The following CCDC197 variants were observed in gnomAD, a reference collection of about 807,000 sequenced individuals.
CCDC197 encodes the protein uncharacterized protein CCDC197.
In CCDC197, 24 loss-of-function variants were observed where a neutral mutation model predicts 13.4. The ratio of observed to expected loss-of-function variants is 1.80; its 90% CI spans 1.30 to 2.53. The LOEUF is 2.53. Among genes scored for constraint, CCDC197 ranks in the 30% most tolerant of loss-of-function variants. The probability of loss-of-function intolerance (pLI) is 0.00; values close to 1 mark genes in which losing one functional copy is unlikely to be tolerated. For synonymous variants in CCDC197, 99 were observed against 55.5 expected (o/e 1.78, Z -3.48); for missense variants, 255 against 148.8 (o/e 1.71, Z -3.71).
Position 94,003,286 on chromosome 14 carries a change from C to A in CCDC197, c.430C>A (p.Gln144Lys). The A allele has an allele frequency of 1.3e-6, 1 of 780,430 alleles. No individual in the cohort carries two copies. The highest frequency in any genetic ancestry group is 1.3e-5 in the South Asian group (1 of 74,602). 48.3% of individuals were successfully genotyped at this position (780,430 alleles called of 1,614,324 possible). Residue 144 changes from glutamine (Q) to lysine (K), a missense_variant, in exon 5 of 7, where the codon CAG becomes AAG. By Grantham distance (53) the Gln-to-Lys change is moderately conservative. Coordinates refer to ENST00000636493, the MANE Select transcript of CCDC197 (RefSeq NM_001351596.2). This position sits in a 1 kb window ranked among gnomAD's most constrained non-coding sequence, Gnocchi z 5.0. ...CTACCGCAAGCAGGAGCAGTGGTGG[C>A]AGCTGAAGCACAGCATCACTTACCA... is the stretch of plus-strand genomic sequence containing the variant. ...KCYRKQEQWW[Q>K]LKHSITYQKD... is the part of the protein sequence containing the mutation.
intron 1 of CCDC197, among the ~76,000 whole-genome samples, chr14:93,990,307 G>C (rs919667399): frequency 2.0e-5 from 3 of 152,208 alleles, no homozygotes; most frequent in African/African-American, 7.2e-5. Context: ...TCTCGAGTCT[G>C]TTTCCTTCTC....
At chr14:93,989,950 T>TCTTA (rs1890178029) in intron 1 of CCDC197, among the ~76,000 whole-genome samples, 1 of 152,204 alleles carries the variant, frequency 6.6e-6, no homozygotes, top group Non-Finnish European at 1.5e-5. Flanking sequence ...TCGGGCCTGT[T>TCTTA]CTTAGCTCCT....
At chr14:93,990,443 G>A (rs564185287) in intron 1 of CCDC197, among the ~76,000 whole-genome samples, 13 of 152,306 alleles carry the variant, frequency 8.5e-5, no homozygotes, top group African/African-American at 3.1e-4. Context: ...ATAAGAAAGA[G>A]GGCTGGTCCA....
intron 3 of CCDC197, among the ~76,000 whole-genome samples, chr14:94,000,352 ACTGGGCTCAGACT>A (rs1439218121): frequency 2.6e-5 from 4 of 152,168 alleles, no homozygotes; most frequent in African/African-American, 4.8e-5. Flanking sequence ...AAGTGGTGGC[ACTGGGCTCAGACT>A]CTGGTCCGTC....
chr14:94,005,006 T>G, intron 6 of CCDC197, 35 bp downstream of exon 6: 1 of 695,712 alleles, frequency 1.4e-6, no homozygotes, highest in Non-Finnish European at 2.6e-6. Flanking sequence ...GGCTCCTGAC[T>G]GCCCCAGGCA....
Position 94,001,298 on chromosome 14 carries a change from A to G in CCDC197, c.341A>G (p.Glu114Gly), listed in dbSNP as rs774185429. 16 of 779,352 alleles carry G rather than the reference A, an allele frequency of 2.1e-5. 1 individual carries two copies. The South Asian group carries it at 2.2e-4, about 10-fold the overall frequency. The allele number at this position is 779,352 out of a possible 1,614,324, so 48.3% of individuals were successfully genotyped here. ...GTCCACCGGAGCCTGGAGTCTCTGG[A>G]GGAGGACCACAGGGCTCTCATGTTG... is the stretch of plus-strand genomic sequence containing the variant. ...QAVHRSLESL[E>G]EDHRALMLSL... Residue 114 changes from glutamate (E) to glycine (G), a missense_variant, in exon 4 of 7, where the codon GAG (glutamate) becomes GGG (glycine). Coordinates refer to ENST00000636493, the MANE Select transcript of CCDC197 (RefSeq NM_001351596.2).
chr14:93,998,476 C>G (rs1890390424), intron 2 of CCDC197, among the ~76,000 whole-genome samples: 1 of 152,196 alleles, frequency 6.6e-6, no homozygotes, highest in South Asian at 2.1e-4. Context: ...CCTCTGCAGG[C>G]TGAGCCTCTA....
In CCDC197 at chr14:94,000,769, A is replaced by G. The variant is rs1329723347; in HGVS notation, c.188-376A>G. ...GCCCTGTTCAACCCATCCAAAATGC[A>G]TAACCACCAGGACTTGGCACTTGCT... On this transcript the variant is annotated intron_variant, in intron 3 of 6. Coordinates refer to ENST00000636493, the MANE Select transcript of CCDC197 (RefSeq NM_001351596.2). 5.3e-5 allele frequency: 9 copies of G among 169,040 alleles called. No individual in the cohort carries two copies. The East Asian group carries it at 1.1e-3, about 20-fold the overall frequency. The allele number at this position is 169,040 out of a possible 1,614,324, so 10.5% of individuals were successfully genotyped here. A position where few individuals can be genotyped will look rare whatever the true frequency, so the allele number is the denominator to read the frequency against.
chr14:93,995,994 G>T (rs1405553966), upstream of CCDC197, among the ~76,000 whole-genome samples: 2 of 152,204 alleles, frequency 1.3e-5, no homozygotes, highest in Non-Finnish European at 2.9e-5. Context: ...GCTGTTCCGT[G>T]CCTCCGAACC....
At chr14:94,008,004 A>G (rs10134551) in intron 6 of CCDC197, among the ~76,000 whole-genome samples, 61,884 of 152,124 alleles carry the variant, frequency 0.41, 14,537 homozygotes, top group African/African-American at 0.65. Flanking sequence ...GTTATATACA[A>G]CTTGGAACTT....
At chr14:93,995,045 G>A (rs372377214), upstream of CCDC197, among the ~76,000 whole-genome samples, 230 of 152,266 alleles carry the variant, frequency 1.5e-3, no homozygotes, top group African/African-American at 5.1e-3. Flanking sequence ...CAGCTTTGAC[G>A]TCGGTGTGTC....
upstream of CCDC197, among the ~76,000 whole-genome samples, chr14:93,994,166 G>A (rs80217807): frequency 4.3e-3 from 659 of 152,298 alleles, 7 homozygotes; most frequent in African/African-American, 0.015. Context: ...ACATCCCAGC[G>A]TGGGTCGTAT....
At chr14:94,000,003 T>C (rs1210770628) in intron 3 of CCDC197, among the ~76,000 whole-genome samples, 2 of 152,234 alleles carry the variant, frequency 1.3e-5, no homozygotes, top group Admixed American at 6.5e-5. Flanking sequence ...AGCTAGTACC[T>C]GGTAAACGTT....
At chr14:94,006,710 G>A (rs2141387021) in intron 6 of CCDC197, among the ~76,000 whole-genome samples, 1 of 152,224 alleles carries the variant, frequency 6.6e-6, no homozygotes, top group South Asian at 2.1e-4. Flanking sequence ...TCTGGATACA[G>A]GTCCCTTATC....
intron 6 of CCDC197, chr14:94,006,998 T>C (rs1405658429): frequency 6.6e-6 from 1 of 151,834 alleles, no homozygotes; most frequent in Non-Finnish European, 1.5e-5. Context: ...CTAATTTTTG[T>C]ATTTTTTGGT....
upstream of CCDC197, among the ~76,000 whole-genome samples, chr14:93,993,893 C>G (rs11620660): frequency 0.39 from 59,632 of 152,052 alleles, 11,847 homozygotes; most frequent in Admixed American, 0.47. Flanking sequence ...AGACCTGCGC[C>G]CCTCACCGCT....
intron 2 of CCDC197, among the ~76,000 whole-genome samples, chr14:93,999,142 GCATGACCCTGGCCAGCAGCTCA>G: frequency 6.6e-6 from 1 of 152,290 alleles, no homozygotes; most frequent in Non-Finnish European, 1.5e-5. Flanking sequence ...GGAGCCCCAC[GCATGACCCTGGCCAGCAGCTCA>G]CATCATCCCT....
rs1009949677 is a variant in CCDC197 at position 94,001,132 on chromosome 14, G to A, written c.188-13G>A. On this transcript the variant is annotated splice_polypyrimidine_tract_variant and intron_variant, in intron 3 of 6. Transcript: ENST00000636493. ...GGGCACCCACCCATCCCGCCATGGCGCTGTCTCCGTAGGCTGCACGGGATG... is the reference window on the plus strand; with the variant it reads ...GGGCACCCACCCATCCCGCCATGGCACTGTCTCCGTAGGCTGCACGGGATG... 3 of 764,446 alleles carry A rather than the reference G, an allele frequency of 3.9e-6. No individual in the cohort carries two copies. The highest frequency in any genetic ancestry group is 1.8e-5 in the Admixed American group (1 of 56,714). 47.4% of individuals were successfully genotyped at this position (764,446 alleles called of 1,614,324 possible). A position where few individuals can be genotyped will look rare whatever the true frequency, so the allele number is the denominator to read the frequency against.
intron 6 of CCDC197, among the ~76,000 whole-genome samples, chr14:94,005,639 T>C (rs974746062): frequency 6.6e-6 from 1 of 152,242 alleles, no homozygotes; most frequent in Admixed American, 6.5e-5. Flanking sequence ...CATTTAGCCC[T>C]TACAATTATG....
Sources: allele counts gnomAD v4.1 joint callset (sites outside exome capture counted in the v4.1 genomes callset), GRCh38; gene constraint gnomAD v4.1.1; non-coding constraint Gnocchi (gnomAD v3.1); transcripts MANE v1.5; gene names NCBI Gene and HGNC (gene_info 2026-07-23, HGNC 2026-07-21).